The following TTN variants were observed in gnomAD, a reference collection of about 807,000 sequenced individuals.
TTN encodes titin.
A neutral mutation model predicts 3,223.0 loss-of-function variants in TTN; 1,525 were observed. That is an observed-to-expected ratio of 0.47 (90% confidence interval 0.45 to 0.49). The LOEUF is 0.49. TTN is among the 20% of genes least tolerant of loss of function. The pLI, the probability that TTN is intolerant of heterozygous loss-of-function variation, is 0.00. For synonymous variants in TTN, 14,094 were observed against 15,161.0 expected (o/e 0.93, Z 5.17); for missense variants, 40,786 against 43,424.0 (o/e 0.94, Z 5.40).
rs1396418561 is a variant in TTN, at chr2:178,564,550, A to C, written c.81582T>G (p.Pro27194=). 2 of 1,613,334 alleles carry C rather than the reference A, an allele frequency of 1.2e-6. No homozygotes were observed. The highest frequency in any genetic ancestry group is 2.7e-5 in the African/African-American group (2 of 75,010). ...RNNVTLKWKK[P]AYDGGSKITG... is the part of the protein sequence containing the mutation. ...TTATTTTGCTACCACCATCATAGGC[A>C]GGTTTCTTCCATTTCAGTGTGACAT... The change falls in exon 326 of 363, where the codon CCT becomes CCG. Residue 27194 remains proline, a synonymous_variant. Transcript: ENST00000589042.
At chr2:178,701,703 A>G in intron 109 of TTN, 116 bp from the exon 110 acceptor site, 1 of 1,019,486 alleles carries the variant, frequency 9.8e-7, no homozygotes, top group South Asian at 1.6e-5. Context: ...TAATGGCAGA[A>G]TCTAATATAC....
Position 178,559,339 on chromosome 2 carries a change from A to G in TTN, c.86793T>C (p.Ala28931=). Residue 28931 remains alanine, a synonymous_variant, in exon 326 of 363, where the codon GCT becomes GCC. Coordinates refer to ENST00000589042, the MANE Select transcript of TTN (RefSeq NM_001267550.2). ...GENEFGVGIP[A]ETKEGVKITE... ...TTATTTTTACTCCTTCCTTTGTTTC[A>G]GCTGGTATACCAACACCAAACTCAT... 6.3e-7 allele frequency: 1 copy of G among 1,599,412 alleles called. No individual in the cohort carries two copies. Among genetic ancestry groups the G allele is most frequent in the Non-Finnish European group, 8.5e-7 (1 of 1,172,586 alleles).
chr2:178,754,975 C>T (rs552635147), intron 46 of TTN, among the ~76,000 whole-genome samples: 13 of 152,270 alleles, frequency 8.5e-5, no homozygotes, highest in African/African-American at 3.1e-4. Context: ...TGTGCACCTA[C>T]ATAGCACTGC....
In TTN at chr2:178,667,733, T is replaced by C. The variant is rs1181484384; in HGVS notation, c.35546-12A>G. 6.6e-7 allele frequency: 1 copy of C among 1,515,768 alleles called. No homozygotes were observed. The highest frequency in any genetic ancestry group is 1.8e-5 in the Admixed American group (1 of 55,932). 93.9% of individuals were successfully genotyped at this position (1,515,768 alleles called of 1,614,324 possible). Reference sequence around the variant, plus strand: ...AGATGCTTCATAAACTTTAAAGATATTAGTATTTAAATAATTAGGATGTTT... The same window carrying C: ...AGATGCTTCATAAACTTTAAAGATACTAGTATTTAAATAATTAGGATGTTT... On this transcript the variant is annotated splice_polypyrimidine_tract_variant and intron_variant, in intron 159 of 362. Transcript: ENST00000589042.
intron 17 of TTN, 50 bp downstream of exon 17, chr2:178,783,670 G>A: frequency 6.9e-7 from 1 of 1,440,624 alleles, no homozygotes; most frequent in Non-Finnish European, 9.8e-7. Flanking sequence ...GTATTAAAAT[G>A]ATTTGAGGAG....
Position 178,592,872 on chromosome 2 carries a change from G to A in TTN, c.59247C>T (p.Asp19749=), listed in dbSNP as rs587780491. The A allele has an allele frequency of 1.9e-5, 30 of 1,613,330 alleles. 1 individual carries two copies. Among genetic ancestry groups the A allele is most frequent in the Middle Eastern group, 1.6e-4 (1 of 6,076 alleles). Residue 19749 remains aspartate, a synonymous_variant, in exon 300 of 363, where the codon GAC becomes GAT. Coordinates refer to ENST00000589042, the MANE Select transcript of TTN (RefSeq NM_001267550.2). ...ACACTCTAAACTTATAGGTTTGACC[G>A]TCCCGAAGACCGGTGACTTTATATT... ...ETKYKVTGLR[D]GQTYKFRVLA...
At chr2:178,626,748 G>T (rs1300891883) in intron 240 of TTN, among the ~76,000 whole-genome samples, 1 of 151,718 alleles carries the variant, frequency 6.6e-6, no homozygotes, top group Non-Finnish European at 1.5e-5. Flanking sequence ...GGAAAAATTT[G>T]TTTTTTTAAT....
chr2:178,621,514 G>A lies in TTN; in HGVS notation c.45310C>T (p.Leu15104Phe), dbSNP rs370782950. 4.3e-6 allele frequency: 7 copies of A among 1,612,340 alleles called. No homozygotes were observed. Among genetic ancestry groups the A allele is most frequent in the Non-Finnish European group, 5.9e-6 (7 of 1,179,086 alleles). Residue 15104 changes from leucine to phenylalanine, a missense_variant, in exon 245 of 363, where the codon CTC (leucine) becomes TTC (phenylalanine). Physicochemically the swap from Leu to Phe is conservative, Grantham distance 22 (BLOSUM62 0). Transcript: ENST00000589042. The stretch of plus-strand genomic sequence containing the variant: ...TTGCCATCGGTTCGAGAGCTTGGGA[G>A]TCGACAGTTGTAGTTGCCAGCATCC... ...LEDAGNYNCR[L>F]PSSRTDGKVK...
chr2:178,608,604 A>G lies in TTN; in HGVS notation c.52405+2T>C. The G allele has an allele frequency of 6.2e-7, 1 of 1,608,518 alleles. No individual in the cohort carries two copies. Among genetic ancestry groups the G allele is most frequent in the Non-Finnish European group, 8.5e-7 (1 of 1,177,710 alleles). ...AAACTTTAGATGCCAAAGGAAACTT[A>G]CCAAATGGATCTTTAGCCACAAGTG... On this transcript the variant is annotated splice_donor_variant, in intron 274 of 362. Transcript: ENST00000589042. LOFTEE classifies it high-confidence loss of function.
chr2:178,735,641 C>T lies in TTN; in HGVS notation c.14805G>A (p.Lys4935=). The T allele has an allele frequency of 1.2e-6, 2 of 1,613,742 alleles. No homozygotes were observed. The highest frequency in any genetic ancestry group is 1.7e-6 in the Non-Finnish European group (2 of 1,179,796). The change falls in exon 50 of 363, where the codon AAG becomes AAA. Residue 4935 remains lysine (K), a synonymous_variant. Coordinates refer to ENST00000589042, the MANE Select transcript of TTN (RefSeq NM_001267550.2). Reference sequence around the variant, plus strand: ...TTGCTATTTTATCTTCAAAACAGATCTTATAATCTTTCCCTGGGGGGAGTT... The same window carrying T: ...TTGCTATTTTATCTTCAAAACAGATTTTATAATCTTTCCCTGGGGGGAGTT... ...GQKLPPGKDY[K]ICFEDKIATL...
At position 178,736,045 on chromosome 2, in the gene TTN, G is replaced by T; in HGVS notation, c.14401C>A (p.Pro4801Thr). ...EAYPPTFLSR[P>T]KSLTTFVGKA... ...CCCACAAAAGTTGTAAGGGACTTAGGTCTGGAGAGAAAGGTTGGTGGATAT... is the reference window on the plus strand; with the variant it reads ...CCCACAAAAGTTGTAAGGGACTTAGTTCTGGAGAGAAAGGTTGGTGGATAT... Residue 4801 changes from proline to threonine, a missense_variant, in exon 50 of 363, where the codon CCT becomes ACT. Pro to Thr is a conservative substitution (Grantham distance 38). Coordinates refer to ENST00000589042, the MANE Select transcript of TTN (RefSeq NM_001267550.2). 1 of 1,597,544 alleles carries T rather than the reference G, an allele frequency of 6.3e-7. No individual in the cohort carries two copies.
At chr2:178,743,135 T>C (rs2082800878) in intron 47 of TTN, among the ~76,000 whole-genome samples, 1 of 152,026 alleles carries the variant, frequency 6.6e-6, no homozygotes, top group African/African-American at 2.4e-5. Context: ...ACAGTTAAAA[T>C]ACCCTTACTC....
At position 178,682,867 on chromosome 2, in the gene TTN, G is replaced by A. The variant is rs376614629; in HGVS notation, c.32924C>T (p.Thr10975Ile). The change falls in exon 135 of 363, where the codon ACC becomes ATC. Residue 10975 changes from threonine (T) to isoleucine (I), a missense_variant. Thr to Ile is a moderately conservative substitution (Grantham distance 89). Coordinates refer to ENST00000589042, the MANE Select transcript of TTN (RefSeq NM_001267550.2). ...TIMEEKERAYTLEEEAVSVQR... is the reference protein window; with the variant it reads ...TIMEEKERAYILEEEAVSVQR... ...TACTGAAACAGCTTCTTCTTCTAGG[G>A]TATAAGCCCTTTCTTTCTCTTCCAT... 13 of 1,610,366 alleles carry A rather than the reference G, an allele frequency of 8.1e-6. No homozygotes were observed. Among genetic ancestry groups the A allele is most frequent in the African/African-American group, 6.7e-5 (5 of 74,640 alleles).
At chr2:178,627,252 A>G (rs1026054825) in intron 240 of TTN, among the ~76,000 whole-genome samples, 2 of 151,994 alleles carry the variant, frequency 1.3e-5, no homozygotes, top group Admixed American at 6.6e-5. Context: ...CTACAACAAC[A>G]AAGAAAAAAT....
chr2:178,590,950 C>T lies in TTN; in HGVS notation c.60775G>A (p.Asp20259Asn). The T allele has an allele frequency of 6.2e-7, 1 of 1,613,336 alleles. No individual in the cohort carries two copies. The highest frequency in any genetic ancestry group is 8.5e-7 in the Non-Finnish European group (1 of 1,179,514). Residue 20259 changes from aspartate (D) to asparagine (N), a missense_variant, in exon 304 of 363, where the codon GAC (aspartate) becomes AAC (asparagine). Physicochemically the swap from Asp to Asn is conservative, Grantham distance 23 (BLOSUM62 1). Transcript: ENST00000589042. ...TGCTTAGCAACAGTAGGTGTGGAGTCAAGGGGAGGACCAACACCTATCTTA... is the reference window on the plus strand; with the variant it reads ...TGCTTAGCAACAGTAGGTGTGGAGTTAAGGGGAGGACCAACACCTATCTTA... ...ENKIGVGPPL[D>N]STPTVAKHKF...
Position 178,589,422 on chromosome 2 carries a change from T to G in TTN, c.62303A>C (p.Lys20768Thr). 1 of 1,613,412 alleles carries G rather than the reference T, an allele frequency of 6.2e-7. No individual in the cohort carries two copies. The highest frequency in any genetic ancestry group is 8.5e-7 in the Non-Finnish European group (1 of 1,179,624). ...EEVVVKEDLQKPVLDLKLSGV... is the reference protein window; with the variant it reads ...EEVVVKEDLQTPVLDLKLSGV... ...ACTTAATTTCAGATCAAGTACTGGTTTTTGTAAGTCTTCTTTCACAACAAC... is the reference window on the plus strand; with the variant it reads ...ACTTAATTTCAGATCAAGTACTGGTGTTTGTAAGTCTTCTTTCACAACAAC... Residue 20768 changes from lysine to threonine, a missense_variant, in exon 304 of 363, where the codon AAA (lysine) becomes ACA (threonine). Coordinates refer to ENST00000589042, the MANE Select transcript of TTN (RefSeq NM_001267550.2).
chr2:178,587,623 G>A lies in TTN; in HGVS notation c.63686C>T (p.Ala21229Val), dbSNP rs1209410552. ...GGTAGAATTGGGGATGACAAGGAAG[G>A]CCATAGTGTCAACCAGATCAACTTG... ...KGQVDLVDTMAFLVIPNSTRD... is the reference protein window; with the variant it reads ...KGQVDLVDTMVFLVIPNSTRD... Residue 21229 changes from alanine (A) to valine (V), a missense_variant, in exon 306 of 363, where the codon GCC (alanine) becomes GTC (valine). Ala to Val is a moderately conservative substitution (Grantham distance 64, BLOSUM62 0). Coordinates refer to ENST00000589042, the MANE Select transcript of TTN (RefSeq NM_001267550.2). 8 of 1,612,544 alleles carry A rather than the reference G, an allele frequency of 5.0e-6. No homozygotes were observed. The East Asian group carries it at 9.0e-5, about 18-fold the overall frequency.
At chr2:178,745,210 C>T (rs2083256961) in intron 47 of TTN, 2 of 1,042,574 alleles carry the variant, frequency 1.9e-6, no homozygotes, top group Non-Finnish European at 2.3e-6. Context: ...GATATGGTCT[C>T]CACTTTTACA....
intron 142 of TTN, 97 bp downstream of exon 142, chr2:178,679,242 T>C (rs2068773538): frequency 3.9e-6 from 5 of 1,292,170 alleles, no homozygotes; most frequent in Admixed American, 1.9e-5. Context: ...ATTAATGTTG[T>C]TAATATTGTC....
Sources: gnomAD v4.1 joint callset for allele counts (sites outside exome capture counted in the v4.1 genomes callset) on GRCh38, gnomAD v4.1.1 for gene constraint, MANE v1.5 for transcripts, NCBI Gene and HGNC (gene_info 2026-07-23, HGNC 2026-07-21) for gene names.